Variants in GRIA1 observed in about 807,000 individuals in gnomAD.
The protein encoded by GRIA1 is glutamate ionotropic receptor AMPA type subunit 1.
A neutral mutation model predicts 99.2 loss-of-function variants in GRIA1; 31 were observed. The ratio of observed to expected loss-of-function variants is 0.31; its 90% CI spans 0.23 to 0.42. The LOEUF (loss-of-function observed/expected upper bound fraction) is 0.42, where lower values mean the gene tolerates loss of function less well. Among genes scored for constraint, GRIA1 ranks in the 10% least tolerant of loss-of-function variants. GRIA1 has a pLI of 1.00. For synonymous variants in GRIA1, 438 were observed against 432.4 expected (o/e 1.01, Z -0.16); for missense variants, 782 against 1,157.5 (o/e 0.68, Z 4.71).
intron 5 of GRIA1, among the ~76,000 whole-genome samples, chr5:153,665,665 T>C (rs1377896909): frequency 6.6e-6 from 1 of 152,206 alleles, no homozygotes; most frequent in Non-Finnish European, 1.5e-5. Context: ...CATAGAATTG[T>C]AGATCAAAGC....
chr5:153,781,735 G>A (rs1004126251), intron 13 of GRIA1, among the ~76,000 whole-genome samples: 6 of 151,748 alleles, frequency 4.0e-5, no homozygotes, highest in Middle Eastern at 6.8e-3. Context: ...GGTCTCTTTG[G>A]CCATTACTAA....
intron 2 of GRIA1, among the ~76,000 whole-genome samples, chr5:153,549,655 G>A (rs6897621): frequency 0.081 from 12,328 of 152,158 alleles, 1,370 homozygotes; most frequent in African/African-American, 0.25. Flanking sequence ...GAAAGAAAAC[G>A]ATTTCCCCTC....
At chr5:153,795,649 A>G in intron 14 of GRIA1, 9 of 988,544 alleles carry the variant, frequency 9.1e-6, no homozygotes, top group African/African-American at 1.6e-5. Flanking sequence ...AGTGTTGAAC[A>G]GTGTCCTCCG....
chr5:153,640,684 C>A (rs1413667870), intron 2 of GRIA1, among the ~76,000 whole-genome samples: 1 of 152,320 alleles, frequency 6.6e-6, no homozygotes, highest in African/African-American at 2.4e-5. Context: ...TCTCAAATCA[C>A]CCTTTATTTT....
intron 2 of GRIA1, among the ~76,000 whole-genome samples, chr5:153,615,170 AT>A (rs1383306666): frequency 1.3e-5 from 2 of 152,240 alleles, no homozygotes; most frequent in East Asian, 3.8e-4. Context: ...CTCAACAGAC[AT>A]TTATTTAGTA....
At chr5:153,752,770 A>T (rs764191207) in intron 11 of GRIA1, among the ~76,000 whole-genome samples, 30 of 152,140 alleles carry the variant, frequency 2.0e-4, no homozygotes, top group Non-Finnish European at 3.2e-4. Context: ...TCAACCAAAC[A>T]CTAATCTATG....
intron 10 of GRIA1, among the ~76,000 whole-genome samples, chr5:153,701,371 T>A (rs2149515840): frequency 6.6e-6 from 1 of 152,042 alleles, no homozygotes; most frequent in East Asian, 1.9e-4. Context: ...TCCCAGCACT[T>A]TGGGAGGCTG....
At chr5:153,553,346 T>C (rs1760324618) in intron 2 of GRIA1, among the ~76,000 whole-genome samples, 1 of 152,060 alleles carries the variant, frequency 6.6e-6, no homozygotes, top group Non-Finnish European at 1.5e-5. Flanking sequence ...TAAGACAGAG[T>C]GAAAGACTGA....
At position 153,498,705 on chromosome 5, in the gene GRIA1, G is replaced by A. The variant is rs545575033; in HGVS notation, c.220+4640G>A. ...CCTACACAATGCTTTTTCATATTTG[G>A]CATAAAAATCCAGATTTCTGGCATC... On this transcript the variant is annotated intron_variant, in intron 2 of 15. Coordinates refer to ENST00000285900, the MANE Select transcript of GRIA1 (RefSeq NM_000827.4). Among the ~76,000 whole-genome samples the A allele has an allele frequency of 9.9e-5, 15 of 152,066 alleles. No homozygotes were observed. The East Asian group carries it at 2.5e-3, about 26-fold the overall frequency.
At chr5:153,755,461 T>A (rs547245538) in intron 11 of GRIA1, 1 of 152,144 alleles carries the variant, frequency 6.6e-6, no homozygotes, top group Non-Finnish European at 1.5e-5. Context: ...ACAGGAGTTC[T>A]GGGCTGTAGT....
chr5:153,626,525 C>A (rs1320731927), intron 2 of GRIA1, among the ~76,000 whole-genome samples: 1 of 151,106 alleles, frequency 6.6e-6, no homozygotes, highest in Non-Finnish European at 1.5e-5. Flanking sequence ...CAGCACAATT[C>A]TCATCAGCAT....
intron 6 of GRIA1, 98 bp downstream of exon 6, chr5:153,674,759 C>G: frequency 7.9e-7 from 1 of 1,266,750 alleles, no homozygotes; most frequent in South Asian, 1.4e-5. Flanking sequence ...AATCAGTTTT[C>G]TAAAGCGAAC....
At chr5:153,769,851 G>A (rs72804615) in intron 12 of GRIA1, among the ~76,000 whole-genome samples, 33 of 151,722 alleles carry the variant, frequency 2.2e-4, no homozygotes, top group Admixed American at 1.9e-3. Flanking sequence ...ACAATAGATA[G>A]GTCCTTTAAT....
chr5:153,644,762 C>T (rs146602654), intron 2 of GRIA1, among the ~76,000 whole-genome samples: 1 of 151,898 alleles, frequency 6.6e-6, no homozygotes, highest in East Asian at 2.0e-4. Context: ...GGCACAACTG[C>T]TACAAAGGAG....
intron 2 of GRIA1, among the ~76,000 whole-genome samples, chr5:153,564,319 G>A (rs931429740): frequency 2.6e-5 from 4 of 152,158 alleles, no homozygotes; most frequent in African/African-American, 9.7e-5. Flanking sequence ...ATGCTGGTAA[G>A]AAGTTTTTGT....
intron 13 of GRIA1, among the ~76,000 whole-genome samples, chr5:153,781,919 G>C (rs567582933): frequency 6.6e-6 from 1 of 152,230 alleles, no homozygotes; most frequent in Admixed American, 6.5e-5. Context: ...AGCAGGGACC[G>C]CAACCTCAAA....
intron 2 of GRIA1, among the ~76,000 whole-genome samples, chr5:153,540,064 G>A (rs1269755199): frequency 6.6e-6 from 1 of 152,234 alleles, no homozygotes; most frequent in Non-Finnish European, 1.5e-5. Context: ...AAGGTTGAAG[G>A]TAGAGATGGC....
intron 11 of GRIA1, chr5:153,755,236 C>A (rs936094923): frequency 2.0e-5 from 3 of 152,158 alleles, no homozygotes; most frequent in African/African-American, 7.2e-5. Context: ...AGCAGAAAAG[C>A]AACATGGTGC....
Position 153,675,647 on chromosome 5 carries a change from G to A in GRIA1, c.861+986G>A, listed in dbSNP as rs148700059. Among the ~76,000 whole-genome samples, 415 of 152,156 alleles carry A rather than the reference G, an allele frequency of 2.7e-3. 4 individuals carry two copies. Among genetic ancestry groups the A allele is most frequent in the African/African-American group, 9.2e-3 (382 of 41,514 alleles). On this transcript the variant is annotated intron_variant, in intron 6 of 15. Transcript: ENST00000285900. Reference sequence around the variant, plus strand: ...CATTTCTTTTTATAAATGGCAAACCGTATAACAGAGATACTTCTTATCCCA... The same window carrying A: ...CATTTCTTTTTATAAATGGCAAACCATATAACAGAGATACTTCTTATCCCA...
Sources: gnomAD v4.1 joint callset for allele counts (sites outside exome capture counted in the v4.1 genomes callset) on GRCh38, gnomAD v4.1.1 for gene constraint, MANE v1.5 for transcripts, NCBI Gene and HGNC (gene_info 2026-07-23, HGNC 2026-07-21) for gene names.